C6: variants seen among roughly 807,000 people sequenced by gnomAD.
C6 encodes complement C6, also known as complement component C6.
A neutral mutation model predicts 112.9 loss-of-function variants in C6; 101 were observed. The ratio of observed to expected loss-of-function variants is 0.89; its 90% CI spans 0.76 to 1.06. C6 has a LOEUF of 1.06. C6 is among the 50% of genes least tolerant of loss of function. C6 has a pLI of 0.00. For missense variants in C6, 1,202 were observed against 1,104.6 expected, an observed-to-expected ratio of 1.09 and a Z score of -1.25; for synonymous variants, 431 against 384.1, an observed-to-expected ratio of 1.12 and a Z score of -1.43.
chr5:41,198,966 A>G (rs7443562), intron 4 of C6, among the ~76,000 whole-genome samples: 91,170 of 151,880 alleles, frequency 0.6, 27,443 homozygotes, highest in Non-Finnish European at 0.64. Flanking sequence ...TAGACACAAA[A>G]TATATCTCCC....
At chr5:41,224,400 A>G (rs1412612228) in intron 1 of C6, among the ~76,000 whole-genome samples, 3 of 151,894 alleles carry the variant, frequency 2.0e-5, no homozygotes, top group Non-Finnish European at 4.4e-5. Context: ...GCCACTCCCT[A>G]TTTTTCCCTA....
intron 1 of C6, among the ~76,000 whole-genome samples, chr5:41,231,450 C>A (rs1739893238): frequency 1.3e-5 from 2 of 152,088 alleles, no homozygotes; most frequent in South Asian, 4.1e-4. Flanking sequence ...TAAAACCAGT[C>A]CATTTTTAAC....
At chr5:41,185,976 A>C in intron 6 of C6, 94 bp downstream of exon 6, 3 of 1,482,216 alleles carry the variant, frequency 2.0e-6, no homozygotes, top group Non-Finnish European at 2.8e-6. Flanking sequence ...CCACCTTTTT[A>C]TTCTGTCCCT....
intron 1 of C6, among the ~76,000 whole-genome samples, chr5:41,222,212 CT>C (rs1380353354): frequency 3.3e-5 from 5 of 151,086 alleles, no homozygotes; most frequent in African/African-American, 1.2e-4. Context: ...AATTATTTTA[CT>C]TTTGCTCAAA....
chr5:41,234,141 C>T (rs1740083926), intron 1 of C6, among the ~76,000 whole-genome samples: 1 of 152,028 alleles, frequency 6.6e-6, no homozygotes, highest in Admixed American at 6.6e-5. Flanking sequence ...AGGGGTCATT[C>T]TTTCCAGGTG....
chr5:41,152,010 A>G (rs79599786), intron 15 of C6, among the ~76,000 whole-genome samples: 1 of 146,572 alleles, frequency 6.8e-6, no homozygotes. Flanking sequence ...TTATGGTGGG[A>G]AAAAAAAAAG....
rs74877336 is a variant in C6 at position 41,256,664 on chromosome 5, G to A, written c.-21+4530C>T. The stretch of plus-strand genomic sequence containing the variant: ...TGGCATAAAGCTTGCCTGGTTTTAT[G>A]TTACGATATCCTGCCTCTAATGACC... On this transcript the variant is annotated intron_variant, in intron 1 of 17. Transcript: ENST00000263413. 3.4e-3 allele frequency among the ~76,000 whole-genome samples: 515 copies of A among 152,214 alleles called. 2 individuals carry two copies. Among genetic ancestry groups the A allele is most frequent in the African/African-American group, 0.012 (505 of 41,554 alleles).
At chr5:41,249,220 G>A (rs1178729437) in intron 1 of C6, among the ~76,000 whole-genome samples, 1 of 152,036 alleles carries the variant, frequency 6.6e-6, no homozygotes, top group Admixed American at 6.6e-5. Flanking sequence ...CAGTACTTGG[G>A]TGAGGGGATC....
At chr5:41,143,074 A>T in intron 17 of C6, 68 bp from the exon 18 acceptor site, 1 of 1,460,404 alleles carries the variant, frequency 6.8e-7, no homozygotes, top group East Asian at 2.3e-5. Context: ...TATCTAAATC[A>T]TCCCCAGGGT....
intron 5 of C6, 22 bp downstream of exon 5, chr5:41,195,770 A>C: frequency 6.2e-7 from 1 of 1,611,860 alleles, no homozygotes; most frequent in Middle Eastern, 1.7e-4. Flanking sequence ...TCTCCCCAAG[A>C]TGATAAAAAG....
At chr5:41,181,311 C>T (rs774205129) in intron 7 of C6, 48 bp downstream of exon 7, 1 of 1,500,182 alleles carries the variant, frequency 6.7e-7, no homozygotes, top group East Asian at 2.3e-5. Context: ...ACTGGAATTA[C>T]TGTTAATTTT....
chr5:41,168,500 G>A (rs10078072), intron 9 of C6, among the ~76,000 whole-genome samples: 5 of 152,128 alleles, frequency 3.3e-5, no homozygotes, highest in African/African-American at 9.7e-5. Flanking sequence ...CTACTGTGAC[G>A]ATGCTCCTAC....
intron 1 of C6, among the ~76,000 whole-genome samples, chr5:41,208,516 C>T (rs1314619294): frequency 6.6e-6 from 1 of 151,994 alleles, no homozygotes; most frequent in Non-Finnish European, 1.5e-5. Flanking sequence ...GAAATAGACA[C>T]AATAAAAAAT....
intron 1 of C6, among the ~76,000 whole-genome samples, chr5:41,230,105 C>T (rs371777594): frequency 3.3e-5 from 5 of 152,084 alleles, no homozygotes; most frequent in South Asian, 2.1e-4. Context: ...CTCATAATCA[C>T]GTTATCTTTG....
At chr5:41,172,077 T>C in intron 9 of C6, 148 bp downstream of exon 9, 1 of 799,714 alleles carries the variant, frequency 1.3e-6, no homozygotes, top group Non-Finnish European at 2.2e-6. Context: ...ATTTTATTTG[T>C]ATCCCCTATT....
chr5:41,224,353 T>A (rs1437083173), intron 1 of C6, among the ~76,000 whole-genome samples: 1 of 152,162 alleles, frequency 6.6e-6, no homozygotes, highest in Non-Finnish European at 1.5e-5. Context: ...TTTTAGAACA[T>A]TTTTATCACT....
intron 1 of C6, among the ~76,000 whole-genome samples, chr5:41,206,373 C>T (rs1404525716): frequency 6.6e-6 from 1 of 152,232 alleles, no homozygotes; most frequent in Non-Finnish European, 1.5e-5. Context: ...CGGAGAATGA[C>T]TTTGACCAGC....
chr5:41,203,075 A>C lies in C6; in HGVS notation c.143+13T>G, dbSNP rs1751156026. 1 of 1,613,628 alleles carries C rather than the reference A, an allele frequency of 6.2e-7. No homozygotes were observed. The highest frequency in any genetic ancestry group is 1.1e-5 in the South Asian group (1 of 91,066). ...TCCAGGACACAAAGAAAAGCCACAA[A>C]GCTCACACCCACCTGTGTCTGCTCT... is the stretch of plus-strand genomic sequence containing the variant. On this transcript the variant is annotated intron_variant, in intron 2 of 17. Coordinates refer to ENST00000337836, the MANE Select transcript of C6 (RefSeq NM_000065.5).
chr5:41,221,890 C>T (rs935057937), intron 1 of C6, among the ~76,000 whole-genome samples: 2 of 152,074 alleles, frequency 1.3e-5, no homozygotes, highest in Admixed American at 6.6e-5. Flanking sequence ...CACTGGCCAG[C>T]GTGGTGGCTC....
Sources: allele counts gnomAD v4.1 joint callset (sites outside exome capture counted in the v4.1 genomes callset), GRCh38; gene constraint gnomAD v4.1.1; transcripts MANE v1.5; gene names NCBI Gene and HGNC (gene_info 2026-07-23, HGNC 2026-07-21).